Variants in SSBP2 observed in about 807,000 individuals in gnomAD.
SSBP2 encodes single stranded DNA binding protein 2, also known as single-stranded DNA-binding protein 2.
A neutral mutation model predicts 61.8 loss-of-function variants in SSBP2; 17 were observed. The ratio of observed to expected loss-of-function variants is 0.28; its 90% CI spans 0.19 to 0.41. The LOEUF is 0.41. Among genes scored for constraint, SSBP2 ranks in the 10% least tolerant of loss-of-function variants. The pLI is 1.00. For missense variants in SSBP2, 310 were observed against 458.7 expected, an observed-to-expected ratio of 0.68 and a Z score of 2.96; for synonymous variants, 139 against 141.3, an observed-to-expected ratio of 0.98 and a Z score of 0.12.
intron 4 of SSBP2, among the ~76,000 whole-genome samples, chr5:81,584,682 ATGT>A (rs1305773940): frequency 6.6e-6 from 1 of 152,172 alleles, no homozygotes; most frequent in African/African-American, 2.4e-5. Flanking sequence ...AAGAACTATA[ATGT>A]TTAGCAACAA....
intron 14 of SSBP2, among the ~76,000 whole-genome samples, chr5:81,439,399 T>C (rs1408973066): frequency 6.6e-6 from 1 of 152,200 alleles, no homozygotes; most frequent in Non-Finnish European, 1.5e-5. Flanking sequence ...CTAGTCCATT[T>C]TGCAACACTT....
At chr5:81,507,539 T>G (rs1768272182) in intron 5 of SSBP2, among the ~76,000 whole-genome samples, 1 of 152,064 alleles carries the variant, frequency 6.6e-6, no homozygotes, top group South Asian at 2.1e-4. Flanking sequence ...ATATCCCAGA[T>G]TAGTTACAGA....
At chr5:81,663,823 G>A (rs1475662246) in intron 1 of SSBP2, among the ~76,000 whole-genome samples, 1 of 152,106 alleles carries the variant, frequency 6.6e-6, no homozygotes, top group Admixed American at 6.6e-5. Flanking sequence ...TTTAATATGG[G>A]AAAACATCCA....
At chr5:81,735,168 G>A (rs1482079258) in intron 1 of SSBP2, among the ~76,000 whole-genome samples, 2 of 151,988 alleles carry the variant, frequency 1.3e-5, no homozygotes, top group Non-Finnish European at 2.9e-5. Flanking sequence ...TAAATATATA[G>A]AGATAAACCT....
intron 4 of SSBP2, among the ~76,000 whole-genome samples, chr5:81,592,954 G>A (rs62368679): frequency 0.17 from 26,559 of 152,138 alleles, 2,421 homozygotes; most frequent in Non-Finnish European, 0.21. Context: ...CCAAAGGAAC[G>A]CAGCTCCTCA....
At chr5:81,643,893 G>A (rs1175553331) in intron 2 of SSBP2, among the ~76,000 whole-genome samples, 6 of 152,140 alleles carry the variant, frequency 3.9e-5, no homozygotes, top group South Asian at 2.1e-4. Flanking sequence ...GTGAGCCACC[G>A]CGCCTGGCCC....
intron 5 of SSBP2, among the ~76,000 whole-genome samples, chr5:81,503,120 A>G (rs1192437880): frequency 6.6e-6 from 1 of 152,110 alleles, no homozygotes; most frequent in Non-Finnish European, 1.5e-5. Context: ...ATGAGATACC[A>G]TCTCACACCA....
chr5:81,612,035 G>T (rs938937362), intron 4 of SSBP2, among the ~76,000 whole-genome samples: 1 of 152,100 alleles, frequency 6.6e-6, no homozygotes, highest in South Asian at 2.1e-4. Flanking sequence ...AGCAAAAAGG[G>T]GAGAACTTTT....
chr5:81,669,848 T>A (rs972748541), intron 1 of SSBP2, among the ~76,000 whole-genome samples: 4 of 151,804 alleles, frequency 2.6e-5, no homozygotes, highest in African/African-American at 9.7e-5. Flanking sequence ...AAATGAGCTA[T>A]CAAGGTATGA....
chr5:81,575,261 T>A (rs1774123768), intron 4 of SSBP2, among the ~76,000 whole-genome samples: 1 of 152,034 alleles, frequency 6.6e-6, no homozygotes, highest in South Asian at 2.1e-4. Flanking sequence ...GAGCGAGACT[T>A]CGTCTCAAAA....
intron 1 of SSBP2, among the ~76,000 whole-genome samples, chr5:81,662,215 C>A (rs1750750892): frequency 6.6e-6 from 1 of 152,146 alleles, no homozygotes; most frequent in Admixed American, 6.5e-5. Flanking sequence ...CCTGTAATCC[C>A]AGCACTTTGG....
intron 4 of SSBP2, among the ~76,000 whole-genome samples, chr5:81,542,652 G>C (rs1309325520): frequency 6.6e-6 from 1 of 151,850 alleles, no homozygotes; most frequent in Non-Finnish European, 1.5e-5. Context: ...GTTTGGTGCT[G>C]TGTCCTCACC....
chr5:81,586,688 G>A (rs979197262), intron 4 of SSBP2, among the ~76,000 whole-genome samples: 3 of 150,440 alleles, frequency 2.0e-5, no homozygotes, highest in Non-Finnish European at 2.9e-5. Flanking sequence ...AAAAGACCTT[G>A]CATGCAAGGC....
At chr5:81,595,876 T>C (rs1186703260) in intron 4 of SSBP2, among the ~76,000 whole-genome samples, 2 of 150,958 alleles carry the variant, frequency 1.3e-5, no homozygotes, top group East Asian at 1.9e-4. Context: ...CAAACCCACA[T>C]ACTGAATGGG....
chr5:81,435,426 G>A (rs1399043998), intron 15 of SSBP2, among the ~76,000 whole-genome samples: 1 of 152,132 alleles, frequency 6.6e-6, no homozygotes, highest in Non-Finnish European at 1.5e-5. Context: ...TAGTGCAGAA[G>A]GCAATACCCA....
intron 1 of SSBP2, among the ~76,000 whole-genome samples, chr5:81,682,572 C>T (rs773970771): frequency 3.9e-5 from 6 of 152,096 alleles, no homozygotes; most frequent in Non-Finnish European, 5.9e-5. Context: ...ACATATTTAA[C>T]GGTGAAAAAC....
At chr5:81,512,278 CTT>C (rs1381190205) in intron 5 of SSBP2, among the ~76,000 whole-genome samples, 2 of 152,166 alleles carry the variant, frequency 1.3e-5, no homozygotes, top group Non-Finnish European at 2.9e-5. Flanking sequence ...AACTTTCTGA[CTT>C]TGTGCAAATC....
At chr5:81,480,986 G>A (rs748429748) in intron 6 of SSBP2, among the ~76,000 whole-genome samples, 1 of 152,206 alleles carries the variant, frequency 6.6e-6, no homozygotes, top group Non-Finnish European at 1.5e-5. Flanking sequence ...TCCATGAGAA[G>A]TAACTCCTTA....
At chr5:81,546,415 A>G (rs10942268) in intron 4 of SSBP2, among the ~76,000 whole-genome samples, 14,816 of 151,948 alleles carry the variant, frequency 0.098, 837 homozygotes, top group African/African-American at 0.13. Context: ...TTTAGGTGAA[A>G]TTTGCAAATG....
Sources: gnomAD v4.1 joint callset for allele counts (sites outside exome capture counted in the v4.1 genomes callset) on GRCh38, gnomAD v4.1.1 for gene constraint, MANE v1.5 for transcripts, NCBI Gene and HGNC (gene_info 2026-07-23, HGNC 2026-07-21) for gene names.